Variants in WARS1 observed in about 807,000 individuals in gnomAD.
The protein encoded by WARS1 is tryptophan--tRNA ligase, cytoplasmic.
A neutral mutation model predicts 47.8 loss-of-function variants in WARS1; 17 were observed. The observed-to-expected ratio is 0.36, with a 90% CI of 0.24 to 0.53. The LOEUF (loss-of-function observed/expected upper bound fraction) is 0.53, where lower values mean the gene tolerates loss of function less well. WARS1 is among the 20% of genes least tolerant of loss of function. WARS1 has a pLI of 0.91. For missense variants in WARS1, 434 were observed against 608.0 expected, an observed-to-expected ratio of 0.71 and a Z score of 3.01; for synonymous variants, 208 against 228.1, an observed-to-expected ratio of 0.91 and a Z score of 0.79.
At position 100,369,233 on chromosome 14, in the gene WARS1, G is replaced by A. The variant is rs966736723; in HGVS notation, c.-48C>T. 8.6e-6 allele frequency: 7 copies of A among 815,356 alleles called. No homozygotes were observed. The highest frequency in any genetic ancestry group is 1.8e-5 in the African/African-American group (1 of 54,214). The allele number at this position is 815,356 out of a possible 1,614,324, so 50.5% of individuals were successfully genotyped here. Reference sequence around the variant, plus strand: ...CGTTCACAGCCGGCCTGAGGTCAGAGGATTTGTTCAGCAGACGAGTCAAGA... The same window carrying A: ...CGTTCACAGCCGGCCTGAGGTCAGAAGATTTGTTCAGCAGACGAGTCAAGA... On this transcript the variant is annotated 5_prime_UTR_variant, in exon 2 of 11. Transcript: ENST00000392882.
chr14:100,366,512 A>C (rs994353142), intron 2 of WARS1: 1 of 466,566 alleles, frequency 2.1e-6, no homozygotes, highest in African/African-American at 2.0e-5. Flanking sequence ...TAGAAAACAA[A>C]TTAAGATGGA....
chr14:100,339,264 G>A (rs1395005337), intron 9 of WARS1, among the ~76,000 whole-genome samples: 2 of 152,114 alleles, frequency 1.3e-5, no homozygotes, highest in Admixed American at 6.5e-5. Context: ...AGGCTGGGCA[G>A]GGAAAGCAGC....
At chr14:100,339,501 G>A (rs991971513) in intron 9 of WARS1, among the ~76,000 whole-genome samples, 2 of 141,476 alleles carry the variant, frequency 1.4e-5, no homozygotes, top group African/African-American at 2.6e-5. Flanking sequence ...TGAGGCAGGA[G>A]AATGGCGTGA....
intron 2 of WARS1, chr14:100,366,018 A>C (rs1895966406): frequency 2.2e-6 from 1 of 455,942 alleles, no homozygotes; most frequent in South Asian, 1.5e-5. Context: ...TTCAAGAAGC[A>C]GTTATTGAGA....
chr14:100,367,594 C>T (rs974722137), intron 2 of WARS1, among the ~76,000 whole-genome samples: 8 of 2,582 alleles, frequency 3.1e-3, no homozygotes, highest in South Asian at 0.012. Flanking sequence ...TCTCGGGGGG[C>T]GGGGGTGGGG....
At chr14:100,354,304 G>T in intron 5 of WARS1, 143 bp downstream of exon 5, 2 of 1,272,028 alleles carry the variant, frequency 1.6e-6, no homozygotes, top group Non-Finnish European at 2.1e-6. Context: ...CAAAGTGAAT[G>T]GAAGCCAAAA....
chr14:100,344,860 G>T (rs920659155), intron 7 of WARS1, among the ~76,000 whole-genome samples: 1 of 150,322 alleles, frequency 6.7e-6, no homozygotes, highest in Non-Finnish European at 1.5e-5. Context: ...CCGCCCGCCT[G>T]AGAAGTGAGG....
chr14:100,348,855 T>C (rs1894793381), intron 6 of WARS1, among the ~76,000 whole-genome samples: 1 of 152,230 alleles, frequency 6.6e-6, no homozygotes. Flanking sequence ...TGCCCTTTCT[T>C]AGAAGACTGG....
intron 9 of WARS1, among the ~76,000 whole-genome samples, chr14:100,339,124 T>TATACAC (rs1893957092): frequency 6.9e-6 from 1 of 144,342 alleles, no homozygotes; most frequent in African/African-American, 2.6e-5. Flanking sequence ...CACACACACA[T>TATACAC]ACACACACAC....
At chr14:100,340,978 G>T (rs552674444) in intron 9 of WARS1, among the ~76,000 whole-genome samples, 1 of 148,908 alleles carries the variant, frequency 6.7e-6, no homozygotes, top group South Asian at 2.1e-4. Flanking sequence ...ACAGTGGTGC[G>T]ATCTCGGCTC....
intron 3 of WARS1, among the ~76,000 whole-genome samples, chr14:100,361,009 ATATT>A (rs1048198211): frequency 1.3e-5 from 2 of 151,990 alleles, no homozygotes; most frequent in African/African-American, 4.8e-5. Flanking sequence ...ATATATATAT[ATATT>A]TGTTTATTAA....
intron 2 of WARS1, 98 bp downstream of exon 2, chr14:100,368,989 C>T (rs983476310): frequency 1.2e-5 from 10 of 827,406 alleles, no homozygotes; most frequent in African/African-American, 1.8e-5. Context: ...AACCAAAACA[C>T]CTCAGTCATT....
rs922377007 is a variant in WARS1, at chr14:100,362,066, T to G, written c.100-145A>C. The G allele has an allele frequency of 7.4e-6, 6 of 808,116 alleles. No individual in the cohort carries two copies. The African/African-American group carries it at 8.5e-5, about 12-fold the overall frequency. 50.1% of individuals were successfully genotyped at this position (808,116 alleles called of 1,614,324 possible). The stretch of plus-strand genomic sequence containing the variant: ...CACAACCCTACAAGGCAGGTATTGT[T>G]GTCACTGTCCTTTTCCAGCTCAAGA... On this transcript the variant is annotated intron_variant, in intron 2 of 10. Coordinates refer to ENST00000392882, the MANE Select transcript of WARS1 (RefSeq NM_004184.4).
chr14:100,334,016 AG>A lies in WARS1; in HGVS notation c.*858del, dbSNP rs1566828821. 1.3e-5 allele frequency: 2 copies of A among 152,712 alleles called. No individual in the cohort carries two copies. The highest frequency in any genetic ancestry group is 3.9e-4 in the East Asian group (2 of 5,188). 9.5% of individuals were successfully genotyped at this position (152,712 alleles called of 1,614,324 possible). A position where few individuals can be genotyped will look rare whatever the true frequency, so the allele number is the denominator to read the frequency against. On this transcript the variant is annotated 3_prime_UTR_variant, in exon 11 of 11. Transcript: ENST00000392882. ...AGTCCACCCGTCCAGGGACACAGCCAGGGCACTGCTCTGTGCTGACTTCCAC... is the reference window on the plus strand; with the variant it reads ...AGTCCACCCGTCCAGGGACACAGCCAGGCACTGCTCTGTGCTGACTTCCAC...
intron 1 of WARS1, among the ~76,000 whole-genome samples, chr14:100,369,810 C>T (rs896517074): frequency 6.6e-6 from 1 of 151,788 alleles, no homozygotes; most frequent in African/African-American, 2.4e-5. Flanking sequence ...CCTGAGGCTG[C>T]CTGCCACCAT....
chr14:100,355,671 G>A (rs1895265324), intron 4 of WARS1, among the ~76,000 whole-genome samples: 1 of 152,180 alleles, frequency 6.6e-6, no homozygotes, highest in South Asian at 2.1e-4. Context: ...CTGGATAGGA[G>A]AATCTAGAGA....
Position 100,375,313 on chromosome 14 carries a change from C to T in WARS1, c.-104G>A, listed in dbSNP as rs1896591057. On this transcript the variant is annotated 5_prime_UTR_variant, in exon 1 of 11. Coordinates refer to ENST00000392882, the MANE Select transcript of WARS1 (RefSeq NM_004184.4). ...TTGTGGAAGACACTGCAGAGGTGGC[C>T]ACTGGTCACGCTGGGCAGTTGAGCT... 1 of 152,244 alleles carries T rather than the reference C, an allele frequency of 6.6e-6. No homozygotes were observed. Among genetic ancestry groups the T allele is most frequent in the African/African-American group, 2.4e-5 (1 of 41,462 alleles). 9.4% of individuals were successfully genotyped at this position (152,244 alleles called of 1,614,324 possible). A position where few individuals can be genotyped will look rare whatever the true frequency, so the allele number is the denominator to read the frequency against.
chr14:100,335,701 TTC>T (rs1300062874), intron 10 of WARS1, among the ~76,000 whole-genome samples: 2 of 152,192 alleles, frequency 1.3e-5, no homozygotes, highest in African/African-American at 4.8e-5. Flanking sequence ...TGCTAATTTT[TTC>T]TTTTTCTGAT....
chr14:100,356,984 G>A (rs944601029), intron 4 of WARS1, among the ~76,000 whole-genome samples: 4 of 152,112 alleles, frequency 2.6e-5, no homozygotes, highest in African/African-American at 4.8e-5. Flanking sequence ...TTTGTTCCAG[G>A]AACGCAAGGT....
Sources: gnomAD v4.1 joint callset for allele counts (sites outside exome capture counted in the v4.1 genomes callset) on GRCh38, gnomAD v4.1.1 for gene constraint, MANE v1.5 for transcripts, NCBI Gene and HGNC (gene_info 2026-07-23, HGNC 2026-07-21) for gene names.